Variants in RALGAPB observed in about 807,000 individuals in gnomAD.
The protein encoded by RALGAPB is Ral GTPase activating protein non-catalytic subunit beta.
Under a neutral mutation model 161.1 loss-of-function variants are expected in RALGAPB, and 25 were observed. The ratio of observed to expected loss-of-function variants is 0.16; its 90% CI spans 0.11 to 0.22. The LOEUF (loss-of-function observed/expected upper bound fraction) is 0.22, where lower values mean the gene tolerates loss of function less well. Among genes scored for constraint, RALGAPB ranks in the 10% least tolerant of loss-of-function variants. The pLI, the probability that RALGAPB is intolerant of heterozygous loss-of-function variation, is 1.00. For missense variants in RALGAPB, 1,391 were observed against 1,815.2 expected, an observed-to-expected ratio of 0.77 and a Z score of 4.25; for synonymous variants, 629 against 626.1, an observed-to-expected ratio of 1.00 and a Z score of -0.07.
Position 38,516,385 on chromosome 20 carries a change from T to C in RALGAPB, c.1051+15T>C. 6.2e-7 allele frequency: 1 copy of C among 1,606,822 alleles called. No homozygotes were observed. Among genetic ancestry groups the C allele is most frequent in the Non-Finnish European group, 8.5e-7 (1 of 1,174,998 alleles). ...TGCATTCTTAGGTGAATTTTGTGTATGTTGCTAGATGTATGAAGAGCTTCA... is the reference window on the plus strand; with the variant it reads ...TGCATTCTTAGGTGAATTTTGTGTACGTTGCTAGATGTATGAAGAGCTTCA... On this transcript the variant is annotated intron_variant, in intron 7 of 29. Transcript: ENST00000262879.
chr20:38,526,107 A>G, intron 13 of RALGAPB, 65 bp downstream of exon 13: 8 of 1,555,860 alleles, frequency 5.1e-6, no homozygotes, highest in Non-Finnish European at 7.0e-6. Context: ...CCTGCTGAGG[A>G]GGCGGCAGTC....
At chr20:38,567,869 T>A (rs1157216442) in intron 26 of RALGAPB, among the ~76,000 whole-genome samples, 1 of 152,192 alleles carries the variant, frequency 6.6e-6, no homozygotes, top group Non-Finnish European at 1.5e-5. Context: ...AAAGTTATTT[T>A]TAATGTAAGT....
rs1284217463 is a variant in RALGAPB at position 38,535,410 on chromosome 20, A to G, written c.2379+203A>G. On this transcript the variant is annotated intron_variant, in intron 16 of 29. Coordinates refer to ENST00000262879, the MANE Select transcript of RALGAPB (RefSeq NM_020336.4). ...CTTTTTAAAAATAGGTTCAAAGAGT[A>G]TGAATGAGATTTTTACCGTTAAATT... Among the ~76,000 whole-genome samples, 16 of 152,256 alleles carry G rather than the reference A, an allele frequency of 1.1e-4. 1 individual carries two copies. The highest frequency in any genetic ancestry group is 5.9e-4 in the Admixed American group (9 of 15,288).
intron 3 of RALGAPB, 152 bp from the exon 4 acceptor site, chr20:38,497,201 T>A: frequency 1.5e-6 from 1 of 663,336 alleles, no homozygotes; most frequent in Non-Finnish European, 2.5e-6. Context: ...AAGAAGTAGC[T>A]TTAAACTGAA....
rs1228932922 is a variant in RALGAPB at position 38,575,117 on chromosome 20, A to G, written c.*150A>G. The G allele has an allele frequency of 1.2e-5, 8 of 681,962 alleles. No homozygotes were observed. In the Admixed American group the frequency reaches 2.1e-4, roughly 18 times the overall value. The allele number at this position is 681,962 out of a possible 1,614,324, so 42.2% of individuals were successfully genotyped here. On this transcript the variant is annotated 3_prime_UTR_variant, in exon 30 of 30. Transcript: ENST00000262879. The stretch of plus-strand genomic sequence containing the variant: ...GAATAGAAGAAACACATTATAACCC[A>G]TTTGATAGAAGACTTTGGGCTATCT...
At chr20:38,527,888 T>G (rs539961147) in intron 13 of RALGAPB, among the ~76,000 whole-genome samples, 1 of 152,348 alleles carries the variant, frequency 6.6e-6, no homozygotes, top group Admixed American at 6.5e-5. Flanking sequence ...CCATCTTCTC[T>G]TTATCCATAG....
At chr20:38,524,024 A>G (rs2086378464) in intron 10 of RALGAPB, among the ~76,000 whole-genome samples, 1 of 152,226 alleles carries the variant, frequency 6.6e-6, no homozygotes, top group Non-Finnish European at 1.5e-5. Context: ...AGTAACCAGT[A>G]GGTGATGAAG....
At position 38,548,711 on chromosome 20, in the gene RALGAPB, T is replaced by C. The variant is rs910187691; in HGVS notation, c.2925T>C (p.Thr975=). 2 of 1,613,816 alleles carry C rather than the reference T, an allele frequency of 1.2e-6. No homozygotes were observed. Among genetic ancestry groups the C allele is most frequent in the Admixed American group, 1.7e-5 (1 of 60,000 alleles). Residue 975 remains threonine (T), a synonymous_variant, in exon 20 of 30, where the codon ACT becomes ACC. Transcript: ENST00000262879. ...NEQNDFFPSV[T]VLVRGMSGRL... is the part of the protein sequence containing the mutation. ...TAGATGATTTTTTCCCCTCTGTCAC[T>C]GTGCTGGTCCGGGGAATGTCTGGAA...
At position 38,546,375 on chromosome 20, in the gene RALGAPB, C is replaced by A. The variant is rs1199620795; in HGVS notation, c.2847C>A (p.Val949=). The part of the protein sequence containing the change: ...TINKHSFRYF[V]LDNSVILAML... ...ACAAGCATAGTTTCCGGTACTTTGT[C>A]TTGGATAACAGTGTCATCCTGGCAA... The change falls in exon 19 of 30, where the codon GTC becomes GTA. Residue 949 remains valine (V), a synonymous_variant. Coordinates refer to ENST00000262879, the MANE Select transcript of RALGAPB (RefSeq NM_020336.4). 6.2e-7 allele frequency: 1 copy of A among 1,613,978 alleles called. No homozygotes were observed. Among genetic ancestry groups the A allele is most frequent in the African/African-American group, 1.3e-5 (1 of 74,900 alleles).
intron 1 of RALGAPB, among the ~76,000 whole-genome samples, chr20:38,480,995 C>T (rs1342848890): frequency 2.0e-5 from 3 of 152,054 alleles, no homozygotes; most frequent in Non-Finnish European, 4.4e-5. Context: ...CTTGGCCTCC[C>T]AAAGTGCTGG....
At chr20:38,503,715 G>C (rs2122982078) in intron 5 of RALGAPB, among the ~76,000 whole-genome samples, 1 of 152,352 alleles carries the variant, frequency 6.6e-6, no homozygotes, top group South Asian at 2.1e-4. Flanking sequence ...GATTTTGAAA[G>C]AAGTTCTACT....
intron 28 of RALGAPB, among the ~76,000 whole-genome samples, chr20:38,572,851 C>A (rs1312733454): frequency 6.6e-6 from 1 of 152,078 alleles, no homozygotes; most frequent in Admixed American, 6.6e-5. Context: ...AGCCAACATT[C>A]AAATTTCTTC....
In RALGAPB at chr20:38,526,036, A is replaced by T. The variant is rs762642542; in HGVS notation, c.2044A>T (p.Ile682Leu). ...AACGGACCCCAACAACACCCAAATG[A>T]TATTAGGTTTGTATTCACACGTTAT... Reference protein sequence around the residue: ...TETDPNNTQMILGAMLNIVQD... With the variant: ...TETDPNNTQMLLGAMLNIVQD... Residue 682 changes from isoleucine to leucine, a missense_variant, in exon 13 of 30, where the codon ATA becomes TTA. Ile to Leu is a conservative substitution (Grantham distance 5, BLOSUM62 2). Around this residue, in one of 3 missense-constraint regions of RALGAPB, gnomAD observed 946 missense variants for 1,257.2 expected, o/e 0.75. Transcript: ENST00000262879. 3.1e-6 allele frequency: 5 copies of T among 1,613,798 alleles called. No individual in the cohort carries two copies. The South Asian group carries it at 5.5e-5, about 18-fold the overall frequency.
At chr20:38,516,406 C>T (rs1255075658) in intron 7 of RALGAPB, 36 bp downstream of exon 7, 1 of 1,571,068 alleles carries the variant, frequency 6.4e-7, no homozygotes, top group South Asian at 1.2e-5. Context: ...GTATGAAGAG[C>T]TTCATTTAGA....
In RALGAPB at chr20:38,532,974, A is replaced by C. The variant is rs114670084; in HGVS notation, c.2245+115A>C. On this transcript the variant is annotated intron_variant, in intron 15 of 29. Transcript: ENST00000262879. ...TCATGTTTTTTATATACTTAAGTAT[A>C]ATAGAGAGGATGTCAGTCTTAAGAA... 1,247 of 1,171,430 alleles carry C rather than the reference A, an allele frequency of 1.1e-3. 8 individuals carry two copies. In the African/African-American group the frequency reaches 0.017, roughly 16 times the overall value. 72.6% of individuals were successfully genotyped at this position (1,171,430 alleles called of 1,614,324 possible).
intron 2 of RALGAPB, among the ~76,000 whole-genome samples, chr20:38,491,798 C>A (rs1022821077): frequency 6.6e-6 from 1 of 152,176 alleles, no homozygotes; most frequent in African/African-American, 2.4e-5. Flanking sequence ...GCAAGGACTA[C>A]ACTGTTGTCA....
At chr20:38,537,775 TAAG>T (rs946232580) in intron 16 of RALGAPB, 5 of 152,196 alleles carry the variant, frequency 3.3e-5, no homozygotes, top group African/African-American at 1.2e-4. Context: ...TGAAAATTTC[TAAG>T]AAGAGGAAGT....
At chr20:38,525,543 A>G in intron 12 of RALGAPB, 25 bp downstream of exon 12, 1 of 1,475,286 alleles carries the variant, frequency 6.8e-7, no homozygotes, top group Non-Finnish European at 9.5e-7. Flanking sequence ...AAGTTTTTTT[A>G]TATCCTATAT....
intron 21 of RALGAPB, among the ~76,000 whole-genome samples, chr20:38,551,795 T>C (rs2087384862): frequency 6.6e-6 from 1 of 152,194 alleles, no homozygotes; most frequent in Admixed American, 6.5e-5. Flanking sequence ...TTAAGATAAC[T>C]GTCTCTTAGG....
Sources: allele counts gnomAD v4.1 joint callset (sites outside exome capture counted in the v4.1 genomes callset), GRCh38; gene constraint gnomAD v4.1.1; regional missense constraint gnomAD v4.1.1; transcripts MANE v1.5; gene names NCBI Gene and HGNC (gene_info 2026-07-23, HGNC 2026-07-21).